The following PPIG variants were observed in gnomAD, a reference collection of about 807,000 sequenced individuals.
PPIG encodes the protein peptidylprolyl isomerase G, also known as peptidyl-prolyl cis-trans isomerase G.
Under a neutral mutation model 87.9 loss-of-function variants are expected in PPIG, and 26 were observed. The ratio of observed to expected loss-of-function variants is 0.30; its 90% CI spans 0.22 to 0.41. PPIG has a LOEUF of 0.41. Among genes scored for constraint, PPIG ranks in the 10% least tolerant of loss-of-function variants. The pLI is 1.00. For missense variants in PPIG, 722 were observed against 879.4 expected (o/e 0.82, Z 2.26); for synonymous variants, 308 against 276.5 (o/e 1.11, Z -1.13).
chr2:169,637,799 T>C lies in PPIG; in HGVS notation c.*276T>C. The C allele has an allele frequency of 4.3e-6, 1 of 234,818 alleles. No homozygotes were observed. The highest frequency in any genetic ancestry group is 1.4e-3 in the Middle Eastern group (1 of 706). The allele number at this position is 234,818 out of a possible 1,614,324, so 14.5% of individuals were successfully genotyped here. On this transcript the variant is annotated 3_prime_UTR_variant, in exon 14 of 14. Transcript: ENST00000260970. Reference sequence around the variant, plus strand: ...ACTATTTTATGTATGCATTACTGTGTTGCAACAATTAGCCAATAGCATCCT... The same window carrying C: ...ACTATTTTATGTATGCATTACTGTGCTGCAACAATTAGCCAATAGCATCCT...
chr2:169,627,222 C>A (rs547519343), intron 9 of PPIG, among the ~76,000 whole-genome samples: 1 of 152,084 alleles, frequency 6.6e-6, no homozygotes, highest in African/African-American at 2.4e-5. Context: ...CCTCAGCCTC[C>A]CTAGTAGCTG....
intron 9 of PPIG, among the ~76,000 whole-genome samples, chr2:169,628,136 A>G (rs565748148): frequency 1.3e-5 from 2 of 152,312 alleles, no homozygotes; most frequent in South Asian, 4.1e-4. Context: ...TAGCTTCACC[A>G]GGCACTAAGA....
chr2:169,606,744 C>CT (rs1461585937), intron 5 of PPIG, among the ~76,000 whole-genome samples: 3 of 151,832 alleles, frequency 2.0e-5, no homozygotes, highest in African/African-American at 7.3e-5. Context: ...AGTGGTAATC[C>CT]TTACTACAAT....
chr2:169,609,102 C>A lies in PPIG; in HGVS notation c.377+344C>A, dbSNP rs1407643779. On this transcript the variant is annotated intron_variant, in intron 7 of 13. Coordinates refer to ENST00000260970, the MANE Select transcript of PPIG (RefSeq NM_004792.3). ...GTCTCAAAAAAAAAAAAAAAAAAAT[C>A]CCGTTTTTGGTCTGTCATTTCTCTG... Among the ~76,000 whole-genome samples the A allele has an allele frequency of 6.8e-5, 10 of 147,860 alleles. No individual in the cohort carries two copies. The East Asian group carries it at 1.8e-3, about 27-fold the overall frequency.
chr2:169,589,021 C>T (rs1268389108), intron 1 of PPIG, among the ~76,000 whole-genome samples: 1 of 150,216 alleles, frequency 6.7e-6, no homozygotes, highest in East Asian at 1.9e-4. Context: ...AGAGTATTAG[C>T]CGTGAGTTCC....
At chr2:169,606,014 A>T (rs935438867) in intron 4 of PPIG, 25 bp from the exon 5 acceptor site, 4 of 1,513,646 alleles carry the variant, frequency 2.6e-6, no homozygotes, top group Non-Finnish European at 3.7e-6. Flanking sequence ...TTTCTATTAA[A>T]TGTCCTATTT....
intron 9 of PPIG, among the ~76,000 whole-genome samples, chr2:169,625,337 CGT>C (rs1229554783): frequency 2.6e-5 from 4 of 152,146 alleles, no homozygotes; most frequent in African/African-American, 9.7e-5. Context: ...CATTATTCCA[CGT>C]GTGTGTGAAT....
chr2:169,595,591 C>G (rs962792249), intron 1 of PPIG, among the ~76,000 whole-genome samples: 4 of 152,168 alleles, frequency 2.6e-5, no homozygotes, highest in African/African-American at 7.2e-5. Flanking sequence ...AACAGTCTCT[C>G]TACTCTCTTA....
chr2:169,594,438 G>A (rs532244260), intron 1 of PPIG, among the ~76,000 whole-genome samples: 52 of 151,752 alleles, frequency 3.4e-4, no homozygotes, highest in African/African-American at 1.2e-3. Context: ...TAAACCCATG[G>A]CCCACACATG....
Position 169,608,778 on chromosome 2 carries a change from T to A in PPIG, c.377+20T>A. 6.4e-7 allele frequency: 1 copy of A among 1,558,506 alleles called. No homozygotes were observed. The highest frequency in any genetic ancestry group is 8.8e-7 in the Non-Finnish European group (1 of 1,132,740). On this transcript the variant is annotated intron_variant, in intron 7 of 13. Coordinates refer to ENST00000260970, the MANE Select transcript of PPIG (RefSeq NM_004792.3). The stretch of plus-strand genomic sequence containing the variant: ...CTTCATGTAAGTATTTATTATCTGA[T>A]GATTTAAAACATCCCATTTTTGGGC...
intron 9 of PPIG, 139 bp from the exon 10 acceptor site, chr2:169,630,635 C>A (rs1403624007): frequency 4.3e-6 from 3 of 697,678 alleles, no homozygotes; most frequent in Non-Finnish European, 4.8e-6. Context: ...TGACTCCTTT[C>A]CTGTACTTCC....
chr2:169,641,114 T>C lies in PPIG; in HGVS notation c.*3591T>C, dbSNP rs1030136779. 6.7e-6 allele frequency: 1 copy of C among 150,132 alleles called. No individual in the cohort carries two copies. Among genetic ancestry groups the C allele is most frequent in the Non-Finnish European group, 1.5e-5 (1 of 67,242 alleles). 9.3% of individuals were successfully genotyped at this position (150,132 alleles called of 1,614,324 possible). A position where few individuals can be genotyped will look rare whatever the true frequency, so the allele number is the denominator to read the frequency against. On this transcript the variant is annotated 3_prime_UTR_variant, in exon 14 of 14. Coordinates refer to ENST00000260970, the MANE Select transcript of PPIG (RefSeq NM_004792.3). ...GATAAATGAATTGGGTATTTGTATGTGGGATGTACAAAATTGTGGCCGCTC... is the reference window on the plus strand; with the variant it reads ...GATAAATGAATTGGGTATTTGTATGCGGGATGTACAAAATTGTGGCCGCTC...
At chr2:169,620,164 A>G (rs72623202) in intron 9 of PPIG, among the ~76,000 whole-genome samples, 21,961 of 152,060 alleles carry the variant, frequency 0.14, 1,658 homozygotes, top group South Asian at 0.26. Flanking sequence ...GCCCAAACCA[A>G]TGTCATGGAG....
chr2:169,614,213 C>T (rs1050195849), intron 7 of PPIG, among the ~76,000 whole-genome samples: 3 of 152,130 alleles, frequency 2.0e-5, no homozygotes, highest in African/African-American at 4.8e-5. Flanking sequence ...ATTTTAGTTA[C>T]ATAAAAGTTT....
Position 169,636,449 on chromosome 2 carries a change from T to C in PPIG, c.1191T>C (p.Ser397=), listed in dbSNP as rs758546661. Residue 397 remains serine (S), a synonymous_variant, in exon 14 of 14, where the codon AGT becomes AGC. Transcript: ENST00000260970. ...ELNEIKENQR[S]PVRVKERKIT... is the part of the protein sequence containing the mutation. The stretch of plus-strand genomic sequence containing the variant: ...ATGAAATAAAAGAAAATCAGAGAAG[T>C]CCAGTTAGAGTAAAAGAGAGAAAAA... 6.4e-7 allele frequency: 1 copy of C among 1,557,510 alleles called. No individual in the cohort carries two copies. The highest frequency in any genetic ancestry group is 1.2e-5 in the South Asian group (1 of 81,760).
rs1686300480 is a variant in PPIG at position 169,641,073 on chromosome 2, A to G, written c.*3550A>G. ...TATATTTTCTTCCCCTTTTGTGTGT[A>G]TATAGTATTTTGAAAGATAAATGAA... On this transcript the variant is annotated 3_prime_UTR_variant, in exon 14 of 14. Transcript: ENST00000260970. 1 of 152,150 alleles carries G rather than the reference A, an allele frequency of 6.6e-6. No homozygotes were observed. The highest frequency in any genetic ancestry group is 1.5e-5 in the Non-Finnish European group (1 of 68,028). The allele number at this position is 152,150 out of a possible 1,614,324, so 9.4% of individuals were successfully genotyped here. A position where few individuals can be genotyped will look rare whatever the true frequency, so the allele number is the denominator to read the frequency against.
intron 1 of PPIG, among the ~76,000 whole-genome samples, chr2:169,586,419 A>G (rs1358592131): frequency 1.3e-5 from 2 of 152,174 alleles, no homozygotes; most frequent in African/African-American, 4.8e-5. Context: ...TCCACCTTCC[A>G]TCAACTGTGG....
At chr2:169,585,223 C>G (rs1574429128) in intron 1 of PPIG, among the ~76,000 whole-genome samples, 2 of 149,972 alleles carry the variant, frequency 1.3e-5, no homozygotes, top group South Asian at 4.2e-4. Flanking sequence ...GATTTCGGGG[C>G]TCAGTATGCC....
Position 169,637,047 on chromosome 2 carries a change from G to T in PPIG, c.1789G>T (p.Glu597Ter), listed in dbSNP as rs772444803. 2 of 1,613,714 alleles carry T rather than the reference G, an allele frequency of 1.2e-6. No homozygotes were observed. Among genetic ancestry groups the T allele is most frequent in the South Asian group, 2.2e-5 (2 of 91,034 alleles). ...SKEYHRYREQ[E>*]YRRRGRSRSR... ...GGAGTACCATAGATACAGAGAACAG[G>T]AATACAGGAGAAGAGGACGGTCACG... Residue 597 changes from glutamate (E) to a stop codon, truncating the protein, a stop_gained, in exon 14 of 14, where the codon GAA (glutamate) becomes TAA (stop). Coordinates refer to ENST00000260970, the MANE Select transcript of PPIG (RefSeq NM_004792.3). LOFTEE classifies it high-confidence loss of function.
Sources: gnomAD v4.1 joint callset for allele counts (sites outside exome capture counted in the v4.1 genomes callset) on GRCh38, gnomAD v4.1.1 for gene constraint, MANE v1.5 for transcripts, NCBI Gene and HGNC (gene_info 2026-07-23, HGNC 2026-07-21) for gene names.